PLA2G4C: variants seen among roughly 807,000 people sequenced by gnomAD.
PLA2G4C encodes cytosolic phospholipase A2 gamma.
In PLA2G4C, 64 loss-of-function variants were observed where a neutral mutation model predicts 73.8. The observed-to-expected ratio is 0.87, with a 90% CI of 0.71 to 1.07. The LOEUF (loss-of-function observed/expected upper bound fraction) is 1.07, where lower values mean the gene tolerates loss of function less well. PLA2G4C is among the 50% of genes least tolerant of loss of function. PLA2G4C has a pLI of 0.00. For missense variants in PLA2G4C, 622 were observed against 665.4 expected, an observed-to-expected ratio of 0.93 and a Z score of 0.72; for synonymous variants, 254 against 252.1, an observed-to-expected ratio of 1.01 and a Z score of -0.07.
intron 10 of PLA2G4C, among the ~76,000 whole-genome samples, chr19:48,084,365 G>A (rs757951081): frequency 6.6e-6 from 1 of 152,160 alleles, no homozygotes; most frequent in South Asian, 2.1e-4. Flanking sequence ...GGGCCAGGCT[G>A]CTTGCATCTT....
intron 7 of PLA2G4C, among the ~76,000 whole-genome samples, chr19:48,092,374 A>G (rs2031357782): frequency 6.6e-6 from 1 of 152,200 alleles, no homozygotes; most frequent in Admixed American, 6.5e-5. Flanking sequence ...TAGAATTACC[A>G]CATACATGAT....
In PLA2G4C at chr19:48,053,134, T is replaced by C. The variant is rs773578941; in HGVS notation, c.1443A>G (p.Ala481=). 6.3e-7 allele frequency: 1 copy of C among 1,594,712 alleles called. No individual in the cohort carries two copies. Among genetic ancestry groups the C allele is most frequent in the South Asian group, 1.1e-5 (1 of 89,796 alleles). ...NIDACGGDIE[A]WSDTYDTFKL... ...TGAATGTGTCGTATGTGTCACTCCA[T>C]GCCTCAATATCACCTGAAGCATAAC... is the stretch of plus-strand genomic sequence containing the variant. The change falls in exon 16 of 17, where the codon GCA becomes GCG. Residue 481 remains alanine, a synonymous_variant. Transcript: ENST00000599921.
intron 8 of PLA2G4C, among the ~76,000 whole-genome samples, chr19:48,089,290 G>A (rs1053511545): frequency 2.0e-5 from 3 of 152,126 alleles, no homozygotes; most frequent in African/African-American, 4.8e-5. Context: ...AGCCAGGCAC[G>A]GTGGTGCGCG....
At chr19:48,067,750 C>G in intron 13 of PLA2G4C, 41 bp downstream of exon 13, 6 of 1,341,702 alleles carry the variant, frequency 4.5e-6, no homozygotes, top group Admixed American at 1.7e-5. Context: ...CCCATTCACA[C>G]GCAAGGACAG....
chr19:48,080,955 G>A (rs1000360176), intron 10 of PLA2G4C, among the ~76,000 whole-genome samples: 5 of 140,104 alleles, frequency 3.6e-5, no homozygotes, highest in Admixed American at 2.3e-4. Context: ...TCAGGAGATC[G>A]AGACTATCCT....
At chr19:48,107,535 G>A (rs1023654244) in intron 1 of PLA2G4C, among the ~76,000 whole-genome samples, 3 of 152,176 alleles carry the variant, frequency 2.0e-5, no homozygotes, top group African/African-American at 2.4e-5. Flanking sequence ...TAACGCCAGC[G>A]TCTGGGAAGA....
At chr19:48,097,251 C>CTTTTTTTTTTTTTTTTTTT (rs1176855747) in intron 6 of PLA2G4C, 1 of 86,576 alleles carries the variant, frequency 1.2e-5, no homozygotes, top group South Asian at 3.7e-4. Flanking sequence ...TTTCTTTTTT[C>CTTTTTTTTTTTTTTTTTTT]TTTTTTTTTT....
intron 12 of PLA2G4C, 137 bp from the exon 13 acceptor site, chr19:48,068,023 G>A (rs1370551208): frequency 7.1e-6 from 5 of 699,400 alleles, no homozygotes; most frequent in Admixed American, 6.4e-5. Flanking sequence ...GGTCATTCAG[G>A]GCCGGCGCGT....
chr19:48,097,830 G>T, intron 6 of PLA2G4C: 1 of 294,220 alleles, frequency 3.4e-6, no homozygotes, highest in Middle Eastern at 9.4e-4. Flanking sequence ...TGTTGCCCAG[G>T]GTGGTCTCCA....
At chr19:48,098,331 GCCA>G in intron 5 of PLA2G4C, 72 bp from the exon 6 acceptor site, 2 of 1,407,936 alleles carry the variant, frequency 1.4e-6, no homozygotes, top group Middle Eastern at 1.9e-4. Flanking sequence ...CTGCACGTAG[GCCA>G]CATTTTTTTT....
In PLA2G4C at chr19:48,088,941, AC is replaced by A. The variant is rs543845797; in HGVS notation, c.764-230del. Among the ~76,000 whole-genome samples the A allele has an allele frequency of 6.2e-4, 94 of 152,238 alleles. No homozygotes were observed. The Middle Eastern group carries it at 0.02, about 33-fold the overall frequency. ...AGTTGGCCACGGTGGGAACATTTACACCACAGGAATTGGCAAACACTACATA... is the reference window on the plus strand; with the variant it reads ...AGTTGGCCACGGTGGGAACATTTACACACAGGAATTGGCAAACACTACATA... On this transcript the variant is annotated intron_variant, in intron 8 of 16. Coordinates refer to ENST00000599921, the MANE Select transcript of PLA2G4C (RefSeq NM_003706.3).
Position 48,062,028 on chromosome 19 carries a change from G to A in PLA2G4C, c.1227C>T (p.Ser409=). ...PPTREVHLIL[S]FDFSAGDPFE... is the part of the protein sequence containing the mutation. ...AAGGATCTCCGGCACTGAAGTCGAA[G>A]GAGAGGATGAGGTGAACCTCCCGCG... The change falls in exon 14 of 17, where the codon TCC becomes TCT. Residue 409 remains serine (S), a synonymous_variant. Coordinates refer to ENST00000599921, the MANE Select transcript of PLA2G4C (RefSeq NM_003706.3). 6.2e-7 allele frequency: 1 copy of A among 1,613,988 alleles called. No individual in the cohort carries two copies. Among genetic ancestry groups the A allele is most frequent in the Non-Finnish European group, 8.5e-7 (1 of 1,179,994 alleles).
intron 12 of PLA2G4C, among the ~76,000 whole-genome samples, chr19:48,069,021 G>A (rs1372202539): frequency 6.7e-6 from 1 of 149,054 alleles, no homozygotes; most frequent in Non-Finnish European, 1.5e-5. Context: ...GACCAGCCTG[G>A]GCAACATGGT....
chr19:48,056,776 G>C (rs1277139090), intron 14 of PLA2G4C, among the ~76,000 whole-genome samples: 2 of 144,138 alleles, frequency 1.4e-5, no homozygotes, highest in Non-Finnish European at 3.0e-5. Context: ...AGATTGCAGT[G>C]AGCCCAGATA....
In PLA2G4C at chr19:48,095,472, A is replaced by G; in HGVS notation, c.701T>C (p.Phe234Ser). ...VRTHPERDLTFLRGLWGSALG... is the reference protein window; with the variant it reads ...VRTHPERDLTSLRGLWGSALG... Reference sequence around the variant, plus strand: ...CTGACCCCAGCGCTGACCTCTCAGGAAAGTCAGGTCTCTCTCAGGGTGAGT... The same window carrying G: ...CTGACCCCAGCGCTGACCTCTCAGGGAAGTCAGGTCTCTCTCAGGGTGAGT... The change falls in exon 7 of 17, where the codon TTC (phenylalanine) becomes TCC (serine). Residue 234 changes from phenylalanine (F) to serine (S), a missense_variant. Transcript: ENST00000599921. 6.2e-7 allele frequency: 1 copy of G among 1,614,024 alleles called. No individual in the cohort carries two copies. The highest frequency in any genetic ancestry group is 1.3e-5 in the African/African-American group (1 of 75,010).
At chr19:48,105,932 TCCC>T (rs1568457531) in intron 2 of PLA2G4C, among the ~76,000 whole-genome samples, 398 of 30,652 alleles carry the variant, frequency 0.013, 67 homozygotes, top group East Asian at 0.018. Flanking sequence ...CCTCCCTCCC[TCCC>T]TCCCTCCCTC....
rs571387009 is a variant in PLA2G4C, at chr19:48,074,051, A to T, written c.1006+716T>A. On this transcript the variant is annotated intron_variant, in intron 12 of 16. Transcript: ENST00000599921. ...TTTGTTACACAGGTAAACATGTGCC[A>T]TGGCGGTTTGCTGCACCTATCAACC... Among the ~76,000 whole-genome samples, 4 of 152,166 alleles carry T rather than the reference A, an allele frequency of 2.6e-5. No homozygotes were observed. The South Asian group carries it at 8.3e-4, about 32-fold the overall frequency.
chr19:48,072,100 T>C lies in PLA2G4C; in HGVS notation c.1006+2667A>G, dbSNP rs1404990798. On this transcript the variant is annotated intron_variant, in intron 12 of 16. Coordinates refer to ENST00000599921, the MANE Select transcript of PLA2G4C (RefSeq NM_003706.3). The surrounding 1 kb of genome is among the most constrained non-coding windows in gnomAD (Gnocchi z 4.4). Reference sequence around the variant, plus strand: ...GGCAGAGGTTGCAGTGAGCCAAGATTGCACCACCGCACTCCAGCTTGGGTG... The same window carrying C: ...GGCAGAGGTTGCAGTGAGCCAAGATCGCACCACCGCACTCCAGCTTGGGTG... Among the ~76,000 whole-genome samples the C allele has an allele frequency of 2.6e-5, 4 of 151,836 alleles. No homozygotes were observed. The highest frequency in any genetic ancestry group is 5.9e-5 in the Non-Finnish European group (4 of 67,950).
At chr19:48,092,292 A>G (rs1333950011) in intron 7 of PLA2G4C, among the ~76,000 whole-genome samples, 1 of 151,898 alleles carries the variant, frequency 6.6e-6, no homozygotes, top group Non-Finnish European at 1.5e-5. Context: ...CAGGTGATCC[A>G]CCCGCCTCGG....
Sources: gnomAD v4.1 joint callset for allele counts (sites outside exome capture counted in the v4.1 genomes callset) on GRCh38, gnomAD v4.1.1 for gene constraint, Gnocchi (gnomAD v3.1) non-coding constraint, MANE v1.5 for transcripts, NCBI Gene and HGNC (gene_info 2026-07-23, HGNC 2026-07-21) for gene names.